VANGL1: variants seen among roughly 807,000 people sequenced by gnomAD.
The protein encoded by VANGL1 is VANGL planar cell polarity protein 1.
VANGL1 carries 18 observed loss-of-function variants against 48.4 expected under a neutral mutation model. The ratio of observed to expected loss-of-function variants is 0.37; its 90% CI spans 0.26 to 0.55. VANGL1 has a LOEUF of 0.55. Among genes scored for constraint, VANGL1 ranks in the 20% least tolerant of loss-of-function variants. The pLI is 0.81. For missense variants in VANGL1, 667 were observed against 675.8 expected, an observed-to-expected ratio of 0.99 and a Z score of 0.14; for synonymous variants, 257 against 261.8, an observed-to-expected ratio of 0.98 and a Z score of 0.18.
chr1:115,654,405 G>A (rs1652265712), intron 2 of VANGL1, among the ~76,000 whole-genome samples: 1 of 149,996 alleles, frequency 6.7e-6, no homozygotes, highest in South Asian at 2.1e-4. Context: ...AACTTGCTGG[G>A]AGAATGGTGT....
chr1:115,656,973 A>G (rs1652376807), intron 2 of VANGL1, among the ~76,000 whole-genome samples: 2 of 152,200 alleles, frequency 1.3e-5, no homozygotes, highest in South Asian at 4.1e-4. Context: ...AGCTGGGGAA[A>G]ATGGAAACGG....
At chr1:115,660,614 T>A (rs1652512139) in intron 3 of VANGL1, among the ~76,000 whole-genome samples, 2 of 152,226 alleles carry the variant, frequency 1.3e-5, no homozygotes, top group Non-Finnish European at 2.9e-5. Context: ...GCATACCCTC[T>A]GCACATCCTG....
chr1:115,657,088 G>A (rs1293295177), intron 2 of VANGL1, among the ~76,000 whole-genome samples: 1 of 152,198 alleles, frequency 6.6e-6, no homozygotes, highest in Non-Finnish European at 1.5e-5. Flanking sequence ...CTAACAACGT[G>A]GGAAGTCTCT....
intron 2 of VANGL1, among the ~76,000 whole-genome samples, chr1:115,652,962 G>A (rs1397931873): frequency 6.6e-6 from 1 of 152,150 alleles, no homozygotes; most frequent in Non-Finnish European, 1.5e-5. Context: ...ATGGAATATA[G>A]TATAAGGATA....
intron 4 of VANGL1, among the ~76,000 whole-genome samples, chr1:115,674,062 T>G (rs928963438): frequency 2.6e-5 from 4 of 152,254 alleles, no homozygotes; most frequent in African/African-American, 9.6e-5. Context: ...TGTGCTGTCC[T>G]GTGACTGAAC....
chr1:115,690,392 G>T (rs1023629227), intron 7 of VANGL1, among the ~76,000 whole-genome samples: 1 of 152,198 alleles, frequency 6.6e-6, no homozygotes, highest in Non-Finnish European at 1.5e-5. Context: ...GAACTCCATC[G>T]AGCCAGGTGC....
rs776815831 is a variant in VANGL1, at chr1:115,659,825, G to A, written c.204+52G>A. 1.6e-5 allele frequency: 26 copies of A among 1,612,162 alleles called. No homozygotes were observed. The South Asian group carries it at 2.2e-4, about 14-fold the overall frequency. On this transcript the variant is annotated intron_variant, in intron 3 of 7. Coordinates refer to ENST00000355485, the MANE Select transcript of VANGL1 (RefSeq NM_138959.3). ...ACACTGCCACTTGGCCAAGACTCCT[G>A]TCTGTAAATGTTTTCCTTAGGTTCT...
intron 4 of VANGL1, among the ~76,000 whole-genome samples, chr1:115,677,048 C>A (rs539875658): frequency 6.6e-6 from 1 of 152,230 alleles, no homozygotes; most frequent in Non-Finnish European, 1.5e-5. Context: ...TTGCACTGTG[C>A]GTGCCTCCTC....
At position 115,658,257 on chromosome 1, in the gene VANGL1, C is replaced by T. The variant is rs544545531; in HGVS notation, c.72-1384C>T. 7.2e-5 allele frequency among the ~76,000 whole-genome samples: 11 copies of T among 152,256 alleles called. No individual in the cohort carries two copies. In the South Asian group the frequency reaches 2.3e-3, roughly 32 times the overall value. ...AGGTCGAAGTTTGACAAGAAATCTA[C>T]GTTTTCTTAAGCTAAGTAGTAGGTT... On this transcript the variant is annotated intron_variant, in intron 2 of 7. Coordinates refer to ENST00000355485, the MANE Select transcript of VANGL1 (RefSeq NM_138959.3).
rs1012116828 is a variant in VANGL1, at chr1:115,690,436, G to T, written c.1315-683G>T. 3.9e-5 allele frequency among the ~76,000 whole-genome samples: 6 copies of T among 152,312 alleles called. No homozygotes were observed. In the East Asian group the frequency reaches 5.8e-4, roughly 15 times the overall value. On this transcript the variant is annotated intron_variant, in intron 7 of 7. Transcript: ENST00000355485. ...CAGAGAACTCAGGAGAGGGAAGGGG[G>T]CATCAGGCCTGGGCATCCCCTGGAC...
At chr1:115,664,591 G>A (rs1333695795) in intron 4 of VANGL1, among the ~76,000 whole-genome samples, 2 of 152,312 alleles carry the variant, frequency 1.3e-5, no homozygotes, top group Admixed American at 6.5e-5. Context: ...TCTGAAATTG[G>A]CCAATGGACA....
At chr1:115,657,574 G>C (rs1429357560) in intron 2 of VANGL1, among the ~76,000 whole-genome samples, 2 of 151,922 alleles carry the variant, frequency 1.3e-5, no homozygotes, top group Admixed American at 6.5e-5. Flanking sequence ...GGCATTGTTA[G>C]ATGCGTCTCT....
chr1:115,655,809 G>A (rs892643776), intron 2 of VANGL1, among the ~76,000 whole-genome samples: 2 of 152,124 alleles, frequency 1.3e-5, no homozygotes, highest in Admixed American at 6.5e-5. Context: ...CTGGAGTTGT[G>A]GCATCTGGAA....
At chr1:115,672,147 G>A (rs914711398) in intron 4 of VANGL1, among the ~76,000 whole-genome samples, 4 of 152,192 alleles carry the variant, frequency 2.6e-5, no homozygotes, top group African/African-American at 9.7e-5. Flanking sequence ...AGGGACTCAT[G>A]GAGAAGTGCT....
At chr1:115,676,586 C>T (rs957275419) in intron 4 of VANGL1, among the ~76,000 whole-genome samples, 1 of 152,228 alleles carries the variant, frequency 6.6e-6, no homozygotes, top group African/African-American at 2.4e-5. Context: ...GCAGGCTACT[C>T]CTCTTTAGGA....
At chr1:115,645,286 A>G (rs748869702) in intron 1 of VANGL1, among the ~76,000 whole-genome samples, 1 of 152,362 alleles carries the variant, frequency 6.6e-6, no homozygotes, top group African/African-American at 2.4e-5. Context: ...AAAAATGTGT[A>G]TAAGTTCAGT....
chr1:115,671,849 C>T (rs557359939), intron 4 of VANGL1, among the ~76,000 whole-genome samples: 2 of 152,288 alleles, frequency 1.3e-5, no homozygotes, highest in East Asian at 1.9e-4. Context: ...CTGCCAGCAT[C>T]GCTGTGCTGT....
In VANGL1 at chr1:115,663,929, T is replaced by G; in HGVS notation, c.473T>G (p.Phe158Cys). 6.2e-7 allele frequency: 1 copy of G among 1,614,238 alleles called. No individual in the cohort carries two copies. The highest frequency in any genetic ancestry group is 8.5e-7 in the Non-Finnish European group (1 of 1,180,030). ...ICEGLFISMAFKLLILLIGTW... is the reference protein window; with the variant it reads ...ICEGLFISMACKLLILLIGTW... ...GAGGGGCTCTTTATCTCCATGGCAT[T>G]CAAACTCCTCATTCTGCTCATAGGG... Residue 158 changes from phenylalanine (F) to cysteine (C), a missense_variant, in exon 4 of 8, where the codon TTC (phenylalanine) becomes TGC (cysteine). Transcript: ENST00000355485.
intron 2 of VANGL1, among the ~76,000 whole-genome samples, chr1:115,658,070 A>G (rs1652412977): frequency 6.6e-6 from 1 of 152,170 alleles, no homozygotes; most frequent in African/African-American, 2.4e-5. Flanking sequence ...TGAGCATGAG[A>G]TTTGGGTAGG....
Sources: gnomAD v4.1 joint callset for allele counts (sites outside exome capture counted in the v4.1 genomes callset) on GRCh38, gnomAD v4.1.1 for gene constraint, MANE v1.5 for transcripts, NCBI Gene and HGNC (gene_info 2026-07-23, HGNC 2026-07-21) for gene names.